Variants in FAM120B observed in about 807,000 individuals in gnomAD.
FAM120B encodes the protein family with sequence similarity 120 member B, also known as constitutive coactivator of peroxisome proliferator-activated receptor gamma.
FAM120B carries 83 observed loss-of-function variants against 96.3 expected under a neutral mutation model. The observed-to-expected ratio is 0.86, with a 90% CI of 0.72 to 1.03. The LOEUF is 1.03. Among genes scored for constraint, FAM120B ranks in the 50% least tolerant of loss-of-function variants. The pLI, the probability that FAM120B is intolerant of heterozygous loss-of-function variation, is 0.00. For synonymous variants in FAM120B, 407 were observed against 402.7 expected, an observed-to-expected ratio of 1.01 and a Z score of -0.13; for missense variants, 1,027 against 1,121.2, an observed-to-expected ratio of 0.92 and a Z score of 1.20.
chr6:170,386,115 T>A (rs1696603863), intron 6 of FAM120B, among the ~76,000 whole-genome samples: 1 of 151,954 alleles, frequency 6.6e-6, no homozygotes, highest in African/African-American at 2.4e-5. Flanking sequence ...TCGTGTCAAC[T>A]GTGGACTTGA....
Position 170,358,266 on chromosome 6 carries a change from C to A in FAM120B, c.2231C>A (p.Ala744Glu). 19 of 1,606,868 alleles carry A rather than the reference C, an allele frequency of 1.2e-5. No homozygotes were observed. The highest frequency in any genetic ancestry group is 1.5e-5 in the Non-Finnish European group (18 of 1,175,322). Residue 744 changes from alanine (A) to glutamate (E), a missense_variant, in exon 6 of 11, where the codon GCG becomes GAG. This residue lies in a region of FAM120B where 880 missense variants were observed against 980.9 expected (regional missense o/e 0.90). Transcript: ENST00000476287. ...CTGGAGGATTTGCATGCGTTTATTG[C>A]GCAGGCCTTGTGCCTCCAAGGAAAA... ...LCLEDLHAFI[A>E]QALCLQGKST... is the part of the protein sequence containing the mutation.
At chr6:170,291,925 C>T (rs1300247493), upstream of FAM120B, among the ~76,000 whole-genome samples, 2 of 152,246 alleles carry the variant, frequency 1.3e-5, no homozygotes, top group Non-Finnish European at 2.9e-5. Flanking sequence ...GGGTATCCCC[C>T]TCGGCCTCCC....
rs1189440051 is a variant in FAM120B, at chr6:170,334,384, A to G, written c.2017+3834A>G. Reference sequence around the variant, plus strand: ...ACATTTCATGAAAAAAGGACCATGTATTTGATTCAATCTGTCATTTGCTAT... The same window carrying G: ...ACATTTCATGAAAAAAGGACCATGTGTTTGATTCAATCTGTCATTTGCTAT... On this transcript the variant is annotated intron_variant, in intron 4 of 10. Coordinates refer to ENST00000476287, the MANE Select transcript of FAM120B (RefSeq NM_032448.3). 2.0e-5 allele frequency among the ~76,000 whole-genome samples: 3 copies of G among 152,372 alleles called. No individual in the cohort carries two copies. The South Asian group carries it at 6.2e-4, about 32-fold the overall frequency.
chr6:170,318,552 G>A lies in FAM120B; in HGVS notation c.1162G>A (p.Glu388Lys). 2 of 1,472,046 alleles carry A rather than the reference G, an allele frequency of 1.4e-6. No homozygotes were observed. The highest frequency in any genetic ancestry group is 1.8e-6 in the Non-Finnish European group (2 of 1,092,496). The allele number at this position is 1,472,046 out of a possible 1,614,324, so 91.2% of individuals were successfully genotyped here. A position where few individuals can be genotyped will look rare whatever the true frequency, so the allele number is the denominator to read the frequency against. Residue 388 changes from glutamate (E) to lysine (K), a missense_variant, in exon 2 of 11, where the codon GAA (glutamate) becomes AAA (lysine). Glu to Lys is a moderately conservative substitution (Grantham distance 56, BLOSUM62 1). Transcript: ENST00000476287. ...PMCSDPEPRQ[E>K]VPTCTGPESR... Reference sequence around the variant, plus strand: ...GTGTTCAGACCCTGAACCCAGGCAAGAAGTTCCCACGTGTACAGGCCCTGA... The same window carrying A: ...GTGTTCAGACCCTGAACCCAGGCAAAAAGTTCCCACGTGTACAGGCCCTGA...
At position 170,318,945 on chromosome 6, in the gene FAM120B, G is replaced by C. The variant is rs369824094; in HGVS notation, c.1555G>C (p.Glu519Gln). 3 of 1,614,200 alleles carry C rather than the reference G, an allele frequency of 1.9e-6. No homozygotes were observed. The African/African-American group carries it at 4.0e-5, about 22-fold the overall frequency. Reference protein sequence around the residue: ...PICTDPISKQEDSMCTHAEIN... With the variant: ...PICTDPISKQQDSMCTHAEIN... ...ATGTACAGATCCTATATCCAAGCAAGAAGACTCCATGTGTACACACGCTGA... is the reference window on the plus strand; with the variant it reads ...ATGTACAGATCCTATATCCAAGCAACAAGACTCCATGTGTACACACGCTGA... The change falls in exon 2 of 11, where the codon GAA becomes CAA. Residue 519 changes from glutamate to glutamine, a missense_variant. This residue lies in a region of FAM120B where 880 missense variants were observed against 980.9 expected (regional missense o/e 0.90). Transcript: ENST00000476287.
rs118007249 is a variant in FAM120B, at chr6:170,377,771, A to C, written c.2284-10516A>C. On this transcript the variant is annotated intron_variant, in intron 6 of 10. Transcript: ENST00000476287. ...AGGCTCACGCTGCTCTGTGCTGTGC[A>C]CACGCGTCCCTAATCCCAGATGCCT... Among the ~76,000 whole-genome samples, 3,797 of 128,436 alleles carry C rather than the reference A, an allele frequency of 0.03. 706 individuals carry two copies. In the East Asian group the frequency reaches 0.52, roughly 17 times the overall value. The allele number at this position is 128,436 out of a possible 152,430, so 84.3% of individuals were successfully genotyped here. A position where few individuals can be genotyped will look rare whatever the true frequency, so the allele number is the denominator to read the frequency against.
At chr6:170,307,373 C>T (rs1784357534) in intron 1 of FAM120B, among the ~76,000 whole-genome samples, 1 of 152,160 alleles carries the variant, frequency 6.6e-6, no homozygotes, top group South Asian at 2.1e-4. Flanking sequence ...TCCCTGCCAG[C>T]AAGGAGTTTG....
At chr6:170,389,452 G>GT (rs1202961210) in intron 7 of FAM120B, among the ~76,000 whole-genome samples, 1 of 152,092 alleles carries the variant, frequency 6.6e-6, no homozygotes, top group Non-Finnish European at 1.5e-5. Flanking sequence ...TTATGGTTAG[G>GT]TAGGGCGAGC....
rs76901111 is a variant in FAM120B at position 170,383,419 on chromosome 6, A to G, written c.2284-4868A>G. 3.6e-3 allele frequency among the ~76,000 whole-genome samples: 541 copies of G among 152,340 alleles called. 6 individuals are homozygous for G. Among genetic ancestry groups the G allele is most frequent in the African/African-American group, 0.012 (506 of 41,576 alleles). ...TACTTGCAAACCTCCTGTCTGACAG[A>G]GATCTTATACCTAGAAAATATAAAG... On this transcript the variant is annotated intron_variant, in intron 6 of 10. Transcript: ENST00000476287.
chr6:170,335,109 A>G (rs1786327118), intron 4 of FAM120B, among the ~76,000 whole-genome samples: 1 of 150,764 alleles, frequency 6.6e-6, no homozygotes, highest in Admixed American at 6.6e-5. Context: ...TTACAGAGGT[A>G]TACATGTGCC....
At chr6:170,357,755 T>G (rs938363677) in intron 5 of FAM120B, among the ~76,000 whole-genome samples, 1 of 152,144 alleles carries the variant, frequency 6.6e-6, no homozygotes, top group African/African-American at 2.4e-5. Context: ...TTCTGCGGAG[T>G]TTTGCCTTGT....
chr6:170,329,478 C>A (rs1785851256), intron 3 of FAM120B, among the ~76,000 whole-genome samples: 1 of 152,208 alleles, frequency 6.6e-6, no homozygotes, highest in South Asian at 2.1e-4. Context: ...CCACTGTCCC[C>A]TGCTCAGTGG....
intron 6 of FAM120B, among the ~76,000 whole-genome samples, chr6:170,366,889 A>AT (rs1788838746): frequency 6.6e-6 from 1 of 151,930 alleles, no homozygotes; most frequent in African/African-American, 2.4e-5. Context: ...AGCTCATGTT[A>AT]TTTTTTAGAT....
rs1181818903 is a variant in FAM120B at position 170,330,766 on chromosome 6, G to A, written c.2017+216G>A. ...AGGTTTACCCTGGACCATCTGCGGC[G>A]GTGCTCTGCCTCTTTCTCCATCCAC... On this transcript the variant is annotated intron_variant, in intron 4 of 10. Transcript: ENST00000476287. 2.9e-5 allele frequency: 16 copies of A among 547,086 alleles called. 1 individual carries two copies. The South Asian group carries it at 3.3e-4, about 11-fold the overall frequency. 33.9% of individuals were successfully genotyped at this position (547,086 alleles called of 1,614,324 possible).
At chr6:170,398,566 T>C (rs376400242) in intron 9 of FAM120B, among the ~76,000 whole-genome samples, 5 of 138,762 alleles carry the variant, frequency 3.6e-5, no homozygotes, top group Non-Finnish European at 6.2e-5. Flanking sequence ...GGTAGAACTA[T>C]GTCATAAGCC....
In FAM120B at chr6:170,352,936, T is replaced by C. The variant is rs117066346; in HGVS notation, c.2190+4613T>C. ...ACACAAAAAACCTTTTAAAAAAAAA[T>C]CAATGAATCCAGGAGCTGTTTTTTT... On this transcript the variant is annotated intron_variant, in intron 5 of 10. Coordinates refer to ENST00000476287, the MANE Select transcript of FAM120B (RefSeq NM_032448.3). Among the ~76,000 whole-genome samples the C allele has an allele frequency of 8.9e-3, 1,345 of 151,340 alleles. 67 individuals carry two copies. The East Asian group carries it at 0.11, about 12-fold the overall frequency.
intron 6 of FAM120B, among the ~76,000 whole-genome samples, chr6:170,380,337 T>C (rs1054049090): frequency 1.3e-5 from 2 of 152,232 alleles, no homozygotes; most frequent in Admixed American, 6.5e-5. Flanking sequence ...CTCATCAACA[T>C]ACTGATTTCA....
chr6:170,323,856 C>T (rs1420827760), intron 3 of FAM120B, among the ~76,000 whole-genome samples: 1 of 152,162 alleles, frequency 6.6e-6, no homozygotes, highest in Non-Finnish European at 1.5e-5. Flanking sequence ...GGTCCCATAA[C>T]TCACCATTTG....
rs1178821749 is a variant in FAM120B at position 170,405,616 on chromosome 6, A to G, written c.*865A>G. ...ATATTTCAGAAATTCTTTTCTAATCAGAAATTCTAATCAAACATAAGTTTC... is the reference window on the plus strand; with the variant it reads ...ATATTTCAGAAATTCTTTTCTAATCGGAAATTCTAATCAAACATAAGTTTC... On this transcript the variant is annotated 3_prime_UTR_variant, in exon 11 of 11. Transcript: ENST00000476287. The G allele has an allele frequency of 2.0e-5, 3 of 152,278 alleles. No individual in the cohort carries two copies. The highest frequency in any genetic ancestry group is 7.2e-5 in the African/African-American group (3 of 41,482). 9.4% of individuals were successfully genotyped at this position (152,278 alleles called of 1,614,324 possible).
Sources: allele counts gnomAD v4.1 joint callset (sites outside exome capture counted in the v4.1 genomes callset), GRCh38; gene constraint gnomAD v4.1.1; regional missense constraint gnomAD v4.1.1; transcripts MANE v1.5; gene names NCBI Gene and HGNC (gene_info 2026-07-23, HGNC 2026-07-21).